The following C2CD3 variants were observed in gnomAD, a reference collection of about 807,000 sequenced individuals.
C2CD3 encodes the protein C2 domain containing 3 centriole elongation regulator.
C2CD3 carries 148 observed loss-of-function variants against 234.0 expected under a neutral mutation model. The observed-to-expected ratio is 0.63, with a 90% CI of 0.55 to 0.72. C2CD3 has a LOEUF of 0.72. C2CD3 is among the 30% of genes least tolerant of loss of function. The pLI, the probability that C2CD3 is intolerant of heterozygous loss-of-function variation, is 0.00. For missense variants in C2CD3, 2,577 were observed against 2,811.5 expected, an observed-to-expected ratio of 0.92 and a Z score of 1.89; for synonymous variants, 1,000 against 1,035.4, an observed-to-expected ratio of 0.97 and a Z score of 0.66.
chr11:74,061,215 CAGG>C (rs1339082162), intron 24 of C2CD3, among the ~76,000 whole-genome samples: 7 of 152,180 alleles, frequency 4.6e-5, no homozygotes, highest in Non-Finnish European at 8.8e-5. Flanking sequence ...GAATATTATC[CAGG>C]AGAACTTCCC....
chr11:74,106,350 C>T (rs1196106530), intron 13 of C2CD3, 21 bp downstream of exon 13: 1 of 1,612,070 alleles, frequency 6.2e-7, no homozygotes, highest in East Asian at 2.2e-5. Flanking sequence ...CTTCTGACTT[C>T]CTGAATGTAT....
intron 23 of C2CD3, among the ~76,000 whole-genome samples, chr11:74,074,910 C>A (rs1954965369): frequency 6.7e-6 from 1 of 148,188 alleles, no homozygotes; most frequent in Non-Finnish European, 1.5e-5. Flanking sequence ...ATGGTAAAAC[C>A]CTATCTCTAC....
At chr11:74,019,931 T>C (rs558732675) in intron 32 of C2CD3, among the ~76,000 whole-genome samples, 79 of 152,294 alleles carry the variant, frequency 5.2e-4, no homozygotes, top group Middle Eastern at 6.8e-3. Flanking sequence ...CCTCGATCCT[T>C]AGTGATGTCT....
chr11:74,070,169 A>T (rs75735174), intron 24 of C2CD3, among the ~76,000 whole-genome samples: 8,680 of 152,314 alleles, frequency 0.057, 791 homozygotes, highest in African/African-American at 0.2. Flanking sequence ...TAATATAAGT[A>T]TACAAACCTT....
intron 3 of C2CD3, among the ~76,000 whole-genome samples, chr11:74,153,029 C>T (rs1265457114): frequency 4.6e-5 from 7 of 152,022 alleles, no homozygotes; most frequent in African/African-American, 1.4e-4. Context: ...AGTTTGAGAC[C>T]AGCCAGCCAA....
chr11:74,025,435 T>C (rs1486175597), intron 32 of C2CD3, among the ~76,000 whole-genome samples: 1 of 152,138 alleles, frequency 6.6e-6, no homozygotes, highest in African/African-American at 2.4e-5. Flanking sequence ...GTCTGTCTAC[T>C]AAAAATACAA....
chr11:74,100,452 C>G, intron 15 of C2CD3, 73 bp downstream of exon 15: 2 of 1,401,620 alleles, frequency 1.4e-6, no homozygotes, highest in Non-Finnish European at 9.7e-7. Context: ...GTTTGCAAAT[C>G]AAAAGAATTC....
Position 74,109,047 on chromosome 11 carries a change from G to A in C2CD3, c.1949C>T (p.Thr650Ile). 1 of 1,588,554 alleles carries A rather than the reference G, an allele frequency of 6.3e-7. No individual in the cohort carries two copies. The highest frequency in any genetic ancestry group is 8.6e-7 in the Non-Finnish European group (1 of 1,158,984). The change falls in exon 12 of 33, where the codon ACT becomes ATT. Residue 650 changes from threonine (T) to isoleucine (I), a missense_variant. Thr to Ile is a moderately conservative substitution (Grantham distance 89). Coordinates refer to ENST00000334126, the MANE Select transcript of C2CD3 (RefSeq NM_001286577.2). The stretch of plus-strand genomic sequence containing the variant: ...CACTCAAAGTACCTTTTTCTGTGGA[G>A]TTTTCTTTACATAAATTTGGAAAGT... Reference protein sequence around the residue: ...NLTFQIYVKKTPQKKPEVIGS... With the variant: ...NLTFQIYVKKIPQKKPEVIGS...
chr11:74,031,113 C>A (rs1255749529), intron 31 of C2CD3, among the ~76,000 whole-genome samples: 2 of 152,132 alleles, frequency 1.3e-5, no homozygotes, highest in Non-Finnish European at 2.9e-5. Flanking sequence ...GTACATCTGA[C>A]CATACCACAC....
At chr11:74,163,684 T>G (rs551623161) in intron 2 of C2CD3, among the ~76,000 whole-genome samples, 1 of 152,320 alleles carries the variant, frequency 6.6e-6, no homozygotes, top group Non-Finnish European at 1.5e-5. Flanking sequence ...TCCCCAGCCA[T>G]GTGGAACTGT....
intron 29 of C2CD3, among the ~76,000 whole-genome samples, chr11:74,038,419 T>C (rs990719746): frequency 2.0e-5 from 3 of 152,246 alleles, no homozygotes; most frequent in African/African-American, 4.8e-5. Flanking sequence ...CTTTTAAACA[T>C]ATTATCTTGT....
intron 3 of C2CD3, among the ~76,000 whole-genome samples, chr11:74,156,320 G>T (rs557302249): frequency 2.4e-4 from 37 of 151,846 alleles, no homozygotes; most frequent in African/African-American, 8.9e-4. Flanking sequence ...AACTTAGCTG[G>T]GGGTGGTGGT....
At position 74,135,745 on chromosome 11, in the gene C2CD3, C is replaced by T. The variant is rs114548285; in HGVS notation, c.956-2188G>A. Among the ~76,000 whole-genome samples the T allele has an allele frequency of 3.5e-3, 540 of 152,236 alleles. 4 individuals carry two copies. Among genetic ancestry groups the T allele is most frequent in the African/African-American group, 0.012 (513 of 41,520 alleles). On this transcript the variant is annotated intron_variant, in intron 5 of 32. Coordinates refer to ENST00000334126, the MANE Select transcript of C2CD3 (RefSeq NM_001286577.2). ...TTAGGTTTATGTATTTGTTGTGTCC[C>T]TCACATGACCTCAACTCTATGCTTA...
intron 7 of C2CD3, chr11:74,128,392 A>C (rs1957487457): frequency 6.6e-6 from 1 of 152,082 alleles, no homozygotes; most frequent in Admixed American, 6.5e-5. Flanking sequence ...TTTTGATGGA[A>C]TCCAATTTAT....
chr11:74,107,424 T>C (rs1404918196), intron 12 of C2CD3, among the ~76,000 whole-genome samples: 1 of 152,166 alleles, frequency 6.6e-6, no homozygotes, highest in African/African-American at 2.4e-5. Context: ...CAATGAGATA[T>C]ACCTAGTTGT....
Position 74,092,554 on chromosome 11 carries a change from C to A in C2CD3, c.3379G>T (p.Ala1127Ser). 6.2e-7 allele frequency: 1 copy of A among 1,613,748 alleles called. No homozygotes were observed. The stretch of plus-strand genomic sequence containing the variant: ...CTTGATAATGGCAAGGTTCCTTTGG[C>A]GACCTTCTGGTCTCTCACATTAGGA... Reference protein sequence around the residue: ...YYPNVRDQKVAKGTLPLSRIC... With the variant: ...YYPNVRDQKVSKGTLPLSRIC... The change falls in exon 19 of 33, where the codon GCC becomes TCC. Residue 1127 changes from alanine to serine, a missense_variant. Transcript: ENST00000334126.
chr11:74,076,342 G>A (rs1955039632), intron 23 of C2CD3, among the ~76,000 whole-genome samples: 1 of 152,182 alleles, frequency 6.6e-6, no homozygotes, highest in Admixed American at 6.5e-5. Context: ...GGCTGATAGG[G>A]CTAACAAAGG....
intron 3 of C2CD3, among the ~76,000 whole-genome samples, chr11:74,143,719 T>C (rs1043530276): frequency 2.0e-5 from 3 of 151,856 alleles, no homozygotes; most frequent in Admixed American, 2.0e-4. Flanking sequence ...AAATTTTAAG[T>C]CTAGGTTCAT....
rs536620972 is a variant in C2CD3, at chr11:74,132,936, G to A, written c.1125C>T (p.His375=). The part of the protein sequence containing the change: ...RAFSRNRFKD[H]IEDHLLPSTE... ...TTGAAGGGAGGAGGTGATCTTCAATGTGGTCTTTAAACCGATTCCTAGAAA... is the reference window on the plus strand; with the variant it reads ...TTGAAGGGAGGAGGTGATCTTCAATATGGTCTTTAAACCGATTCCTAGAAA... The change falls in exon 7 of 33, where the codon CAC becomes CAT. Residue 375 remains histidine, a synonymous_variant. Transcript: ENST00000334126. 2.9e-5 allele frequency: 46 copies of A among 1,613,168 alleles called. 1 individual carries two copies. In the South Asian group the frequency reaches 4.8e-4, roughly 17 times the overall value.
Sources: gnomAD v4.1 joint callset for allele counts (sites outside exome capture counted in the v4.1 genomes callset) on GRCh38, gnomAD v4.1.1 for gene constraint, MANE v1.5 for transcripts, NCBI Gene and HGNC (gene_info 2026-07-23, HGNC 2026-07-21) for gene names.